The following FRMD4B variants were observed in gnomAD, a reference collection of about 807,000 sequenced individuals.
FRMD4B encodes the protein FERM domain containing 4B.
FRMD4B carries 74 observed loss-of-function variants against 141.5 expected under a neutral mutation model. The ratio of observed to expected loss-of-function variants is 0.52; its 90% CI spans 0.43 to 0.63. The LOEUF (loss-of-function observed/expected upper bound fraction) is 0.63, where lower values mean the gene tolerates loss of function less well. Ranked by LOEUF, FRMD4B falls within the 30% of genes least tolerant of loss-of-function variation. The pLI, the probability that FRMD4B is intolerant of heterozygous loss-of-function variation, is 0.00. For missense variants in FRMD4B, 1,366 were observed against 1,253.4 expected (o/e 1.09, Z -1.36); for synonymous variants, 506 against 467.9 (o/e 1.08, Z -1.05).
chr3:69,188,665 G>C (rs186408936), intron 18 of FRMD4B, among the ~76,000 whole-genome samples: 1 of 151,102 alleles, frequency 6.6e-6, no homozygotes, highest in African/African-American at 2.4e-5. Context: ...GCTGAGGCAG[G>C]AGAATGGCGT....
chr3:69,199,806 A>G (rs1463977402), intron 11 of FRMD4B, among the ~76,000 whole-genome samples: 1 of 152,214 alleles, frequency 6.6e-6, no homozygotes, highest in African/African-American at 2.4e-5. Context: ...TTGAAAACCA[A>G]ATAATTTGAT....
At chr3:69,308,852 C>T (rs1253515224) in intron 3 of FRMD4B, among the ~76,000 whole-genome samples, 2 of 152,112 alleles carry the variant, frequency 1.3e-5, no homozygotes, top group Non-Finnish European at 2.9e-5. Flanking sequence ...AGAACTGGCT[C>T]TTGCTTTTCA....
At chr3:69,512,101 C>T (rs1172514515) in intron 1 of FRMD4B, among the ~76,000 whole-genome samples, 2 of 152,070 alleles carry the variant, frequency 1.3e-5, no homozygotes, top group Admixed American at 6.6e-5. Flanking sequence ...GCCTAGAATA[C>T]AAAGCAAGAG....
chr3:69,424,023 T>A (rs918267150), intron 2 of FRMD4B, among the ~76,000 whole-genome samples: 1 of 152,152 alleles, frequency 6.6e-6, no homozygotes, highest in African/African-American at 2.4e-5. Flanking sequence ...TAAAAAAAAA[T>A]AATGTCTTAG....
At chr3:69,456,397 A>G (rs1218410392) in intron 1 of FRMD4B, among the ~76,000 whole-genome samples, 3 of 152,214 alleles carry the variant, frequency 2.0e-5, no homozygotes, top group Admixed American at 2.0e-4. Flanking sequence ...CCTAAGGAAA[A>G]AATGATGGTT....
chr3:69,345,670 T>G (rs1055064038), intron 1 of FRMD4B, among the ~76,000 whole-genome samples: 3 of 152,216 alleles, frequency 2.0e-5, no homozygotes, highest in Non-Finnish European at 2.9e-5. Context: ...CATTTGCTGT[T>G]GAGCAATATT....
chr3:69,390,523 G>A (rs1704358611), upstream of FRMD4B, among the ~76,000 whole-genome samples: 1 of 152,234 alleles, frequency 6.6e-6, no homozygotes, highest in Middle Eastern at 3.4e-3. Flanking sequence ...TAATGCACTG[G>A]AGAGCCCCCA....
chr3:69,460,323 A>G (rs139834462), intron 1 of FRMD4B, among the ~76,000 whole-genome samples: 154 of 152,342 alleles, frequency 1.0e-3, no homozygotes, highest in African/African-American at 3.3e-3. Context: ...GGTCAAGTGA[A>G]GAGGCTGATT....
chr3:69,281,838 A>AAAAAAT (rs1553715921), intron 5 of FRMD4B, among the ~76,000 whole-genome samples: 1 of 128,232 alleles, frequency 7.8e-6, no homozygotes, highest in Non-Finnish European at 1.6e-5. Flanking sequence ...AAAAAAAAAA[A>AAAAAAT]ATATATATAT....
At chr3:69,201,865 GAT>G (rs1009644968) in intron 11 of FRMD4B, among the ~76,000 whole-genome samples, 7 of 152,248 alleles carry the variant, frequency 4.6e-5, no homozygotes, top group Middle Eastern at 3.4e-3. Context: ...TATCTTAGAA[GAT>G]AAATAAAAGG....
chr3:69,475,193 C>G (rs960487825), intron 1 of FRMD4B, among the ~76,000 whole-genome samples: 1 of 151,856 alleles, frequency 6.6e-6, no homozygotes, highest in Non-Finnish European at 1.5e-5. Flanking sequence ...TCTATTTTTT[C>G]TTTTTCTTTT....
chr3:69,265,938 T>A (rs891631408), intron 5 of FRMD4B, among the ~76,000 whole-genome samples: 1 of 152,082 alleles, frequency 6.6e-6, no homozygotes, highest in Non-Finnish European at 1.5e-5. Context: ...GGTTCACGCC[T>A]GTAATCCTAG....
chr3:69,324,808 G>T (rs1702125214), intron 1 of FRMD4B, among the ~76,000 whole-genome samples: 1 of 152,144 alleles, frequency 6.6e-6, no homozygotes, highest in Non-Finnish European at 1.5e-5. Context: ...AATTGATGGA[G>T]AAGGCCGGAT....
At chr3:69,293,880 C>CAAAAAAAAAAAAAAAA (rs10699871) in intron 4 of FRMD4B, among the ~76,000 whole-genome samples, 2 of 74,440 alleles carry the variant, frequency 2.7e-5, no homozygotes, top group African/African-American at 1.2e-4. Context: ...GATTCTGCCT[C>CAAAAAAAAAAAAAAAA]AAAAAAAAAA....
chr3:69,242,920 G>T (rs2093396900), intron 7 of FRMD4B, among the ~76,000 whole-genome samples: 1 of 146,912 alleles, frequency 6.8e-6, no homozygotes, highest in Non-Finnish European at 1.5e-5. Flanking sequence ...CTTGAACCCG[G>T]ATAGCAGAGG....
intron 1 of FRMD4B, among the ~76,000 whole-genome samples, chr3:69,492,319 T>C (rs1706312430): frequency 6.6e-6 from 1 of 152,214 alleles, no homozygotes; most frequent in Non-Finnish European, 1.5e-5. Context: ...TAAAGGGTTA[T>C]GAACATCTAA....
At chr3:69,442,297 G>C (rs562843919) in intron 1 of FRMD4B, among the ~76,000 whole-genome samples, 77 of 152,014 alleles carry the variant, frequency 5.1e-4, no homozygotes, top group Non-Finnish European at 9.4e-4. Context: ...GTCCAGGCTG[G>C]TCTCAAACTC....
At chr3:69,292,205 T>C (rs541223423) in intron 4 of FRMD4B, among the ~76,000 whole-genome samples, 50 of 152,278 alleles carry the variant, frequency 3.3e-4, no homozygotes, top group Non-Finnish European at 6.3e-4. Context: ...TAACTCAGCT[T>C]ATGAATTAAG....
intron 11 of FRMD4B, among the ~76,000 whole-genome samples, chr3:69,205,679 CT>C (rs2093017702): frequency 6.6e-6 from 1 of 152,154 alleles, no homozygotes; most frequent in Non-Finnish European, 1.5e-5. Flanking sequence ...ACCAGGGATG[CT>C]GCCAACATCT....
Sources: allele counts gnomAD v4.1 joint callset (sites outside exome capture counted in the v4.1 genomes callset), GRCh38; gene constraint gnomAD v4.1.1; transcripts MANE v1.5; gene names NCBI Gene and HGNC (gene_info 2026-07-23, HGNC 2026-07-21).